PAQR3: variants seen among roughly 807,000 people sequenced by gnomAD.
PAQR3 encodes progestin and adipoQ receptor family member 3.
Under a neutral mutation model 41.7 loss-of-function variants are expected in PAQR3, and 39 were observed. The ratio of observed to expected loss-of-function variants is 0.93; its 90% CI spans 0.72 to 1.22. The LOEUF is 1.22. Ranked by LOEUF, PAQR3 falls within the 50% of genes most tolerant of loss-of-function variation. The pLI, the probability that PAQR3 is intolerant of heterozygous loss-of-function variation, is 0.00. For missense variants in PAQR3, 366 were observed against 385.6 expected (o/e 0.95, Z 0.42); for synonymous variants, 140 against 140.6 (o/e 1.00, Z 0.03).
chr4:78,926,480 G>GAAA, intron 4 of PAQR3, 41 bp downstream of exon 4: 1 of 1,125,788 alleles, frequency 8.9e-7, no homozygotes, highest in Non-Finnish European at 1.2e-6. Context: ...AAATTGAAAG[G>GAAA]AAAAAAAAAA....
At chr4:78,906,287 G>A (rs534808937) in intron 10 of PAQR3, 1 of 152,180 alleles carries the variant, frequency 6.6e-6, no homozygotes, top group East Asian at 1.9e-4. Context: ...AACAATGTCA[G>A]TGTGGGTTGC....
At chr4:78,922,417 T>C (rs1324989563) in intron 5 of PAQR3, 8 of 1,288,878 alleles carry the variant, frequency 6.2e-6, no homozygotes, top group Non-Finnish European at 7.1e-6. Context: ...ACCGTGGAAG[T>C]GATTCTTAAC....
chr4:78,889,063 T>G (rs1254236877), intron 11 of PAQR3, among the ~76,000 whole-genome samples: 1 of 151,630 alleles, frequency 6.6e-6, no homozygotes, highest in African/African-American at 2.4e-5. Flanking sequence ...CTACTAAAAA[T>G]ACAAAAAATC....
At chr4:78,922,364 T>C in intron 5 of PAQR3, 1 of 1,288,600 alleles carries the variant, frequency 7.8e-7, no homozygotes, top group South Asian at 1.2e-5. Context: ...CCTTTCTTCT[T>C]TCCCAACACA....
chr4:78,934,614 A>G (rs533894182), intron 2 of PAQR3, among the ~76,000 whole-genome samples: 1 of 152,226 alleles, frequency 6.6e-6, no homozygotes, highest in Non-Finnish European at 1.5e-5. Context: ...GGAGGTAGAG[A>G]GGAAAAGAAA....
chr4:78,922,970 T>C (rs1425378985), intron 5 of PAQR3: 2 of 456,074 alleles, frequency 4.4e-6, no homozygotes, highest in African/African-American at 4.0e-5. Context: ...TTATTTTCCA[T>C]CTGAAAATAT....
At chr4:78,888,771 A>G (rs776019235) in intron 11 of PAQR3, among the ~76,000 whole-genome samples, 2 of 152,170 alleles carry the variant, frequency 1.3e-5, no homozygotes, top group Admixed American at 6.5e-5. Flanking sequence ...ATTTTAAGCT[A>G]ATTGAGGGTG....
chr4:78,896,163 C>G (rs1459008473), intron 11 of PAQR3, among the ~76,000 whole-genome samples: 2 of 152,128 alleles, frequency 1.3e-5, no homozygotes, highest in Non-Finnish European at 2.9e-5. Flanking sequence ...TTATAAATGA[C>G]ATTCATTTTT....
chr4:78,902,926 G>A (rs1243354320), intron 11 of PAQR3, among the ~76,000 whole-genome samples: 1 of 151,928 alleles, frequency 6.6e-6, no homozygotes, highest in Non-Finnish European at 1.5e-5. Flanking sequence ...CATTAACTAG[G>A]ATCTCATTCT....
chr4:78,892,811 A>G (rs1733513184), intron 11 of PAQR3, among the ~76,000 whole-genome samples: 1 of 152,248 alleles, frequency 6.6e-6, no homozygotes. Flanking sequence ...TGTATATACC[A>G]TAATTTAAAA....
Position 78,920,296 on chromosome 4 carries a change from TTTC to T in PAQR3, c.*240_*242del. 1 of 1,161,962 alleles carries T rather than the reference TTTC, an allele frequency of 8.6e-7. No homozygotes were observed. The highest frequency in any genetic ancestry group is 4.1e-5 in the East Asian group (1 of 24,658). 72.0% of individuals were successfully genotyped at this position (1,161,962 alleles called of 1,614,324 possible). ...CCCATTCATCGTTGTTATTCAGATGTTTCTTATGATTGCCAACTAATTTTCACT... is the reference window on the plus strand; with the variant it reads ...CCCATTCATCGTTGTTATTCAGATGTTTATGATTGCCAACTAATTTTCACT... On this transcript the variant is annotated 3_prime_UTR_variant, in exon 6 of 6. Transcript: ENST00000512733.
rs1342817540 is a variant in PAQR3 at position 78,918,526 on chromosome 4, G to A, written c.*2013C>T. 1 of 969,320 alleles carries A rather than the reference G, an allele frequency of 1.0e-6. No individual in the cohort carries two copies. Among genetic ancestry groups the A allele is most frequent in the African/African-American group, 1.8e-5 (1 of 56,760 alleles). The allele number at this position is 969,320 out of a possible 1,614,324, so 60.0% of individuals were successfully genotyped here. The stretch of plus-strand genomic sequence containing the variant: ...TTACAATATTTAACATTTTCATACA[G>A]AGTTGAAATGTTTACATGGAATAAT... On this transcript the variant is annotated 3_prime_UTR_variant, in exon 6 of 6. Coordinates refer to ENST00000512733, the MANE Select transcript of PAQR3 (RefSeq NM_001040202.2).
At position 78,939,345 on chromosome 4, in the gene PAQR3, C is replaced by A. The variant is rs886899617; in HGVS notation, c.-121G>T. 2.3e-6 allele frequency: 2 copies of A among 870,228 alleles called. No individual in the cohort carries two copies. The highest frequency in any genetic ancestry group is 4.5e-5 in the Admixed American group (1 of 22,378). The allele number at this position is 870,228 out of a possible 1,614,324, so 53.9% of individuals were successfully genotyped here. ...CCGCGGACGCTGCGCGAGGTCCTAC[C>A]GCGCTGCCGCTGCTGCCCAGGGCCC... On this transcript the variant is annotated 5_prime_UTR_variant, in exon 1 of 6. Coordinates refer to ENST00000512733, the MANE Select transcript of PAQR3 (RefSeq NM_001040202.2).
rs1024253453 is a variant in PAQR3, at chr4:78,913,424, A to C, written c.*7115T>G. ...AGATTACATATGTGAATTAATGTGA[A>C]TATAGTATCTGTGCTTCCTGTGTCT... On this transcript the variant is annotated 3_prime_UTR_variant, in exon 6 of 6. Transcript: ENST00000512733. 2.6e-5 allele frequency: 4 copies of C among 152,154 alleles called. No individual in the cohort carries two copies. The highest frequency in any genetic ancestry group is 4.4e-5 in the Non-Finnish European group (3 of 67,984). The allele number at this position is 152,154 out of a possible 1,614,324, so 9.4% of individuals were successfully genotyped here.
rs1734962936 is a variant in PAQR3, at chr4:78,915,472, T to G, written c.*5067A>C. ...TGTGCAGTAAACTTTTTTCTCATTT[T>G]TTTTTCTTTTTAGCAAACTTGTTAT... is the stretch of plus-strand genomic sequence containing the variant. On this transcript the variant is annotated 3_prime_UTR_variant, in exon 6 of 6. Coordinates refer to ENST00000512733, the MANE Select transcript of PAQR3 (RefSeq NM_001040202.2). 2 of 151,984 alleles carry G rather than the reference T, an allele frequency of 1.3e-5. No homozygotes were observed. Among genetic ancestry groups the G allele is most frequent in the Non-Finnish European group, 2.9e-5 (2 of 67,904 alleles). 9.4% of individuals were successfully genotyped at this position (151,984 alleles called of 1,614,324 possible).
At chr4:78,901,842 T>C (rs879690787) in intron 11 of PAQR3, among the ~76,000 whole-genome samples, 6 of 152,138 alleles carry the variant, frequency 3.9e-5, no homozygotes, top group Admixed American at 3.9e-4. Context: ...GTCACTGAAG[T>C]TTTAGATTTC....
Position 78,919,664 on chromosome 4 carries a change from C to T in PAQR3, c.*875G>A, listed in dbSNP as rs1375038978. On this transcript the variant is annotated 3_prime_UTR_variant, in exon 6 of 6. Transcript: ENST00000512733. ...GTAGCACCCACAATGCTGGGAACCC[C>T]CACCACTGGGATATTCAGGACTACA... The T allele has an allele frequency of 2.0e-6, 2 of 984,952 alleles. No individual in the cohort carries two copies. The highest frequency in any genetic ancestry group is 2.3e-4 in the East Asian group (2 of 8,824). 61.0% of individuals were successfully genotyped at this position (984,952 alleles called of 1,614,324 possible). A position where few individuals can be genotyped will look rare whatever the true frequency, so the allele number is the denominator to read the frequency against.
intron 11 of PAQR3, among the ~76,000 whole-genome samples, chr4:78,898,204 C>T (rs1187079843): frequency 6.6e-6 from 1 of 152,126 alleles, no homozygotes; most frequent in Non-Finnish European, 1.5e-5. Flanking sequence ...CCTCAACGCT[C>T]CCAAAGACCC....
intron 11 of PAQR3, among the ~76,000 whole-genome samples, chr4:78,899,897 A>G (rs994006787): frequency 2.0e-5 from 3 of 152,190 alleles, no homozygotes; most frequent in Admixed American, 6.5e-5. Context: ...GAACAGAGAA[A>G]GGTAGGTAGG....
Sources: gnomAD v4.1 joint callset for allele counts (sites outside exome capture counted in the v4.1 genomes callset) on GRCh38, gnomAD v4.1.1 for gene constraint, MANE v1.5 for transcripts, NCBI Gene and HGNC (gene_info 2026-07-23, HGNC 2026-07-21) for gene names.